Variants in NEGR1 observed in about 807,000 individuals in gnomAD.
The protein encoded by NEGR1 is IgLON family member 4.
In NEGR1, 10 loss-of-function variants were observed where a neutral mutation model predicts 40.9. The ratio of observed to expected loss-of-function variants is 0.24; its 90% CI spans 0.15 to 0.42. The LOEUF (loss-of-function observed/expected upper bound fraction) is 0.42, where lower values mean the gene tolerates loss of function less well. NEGR1 is among the 10% of genes least tolerant of loss of function. NEGR1 has a pLI of 1.00. For missense variants in NEGR1, 352 were observed against 438.9 expected, an observed-to-expected ratio of 0.80 and a Z score of 1.77; for synonymous variants, 185 against 166.8, an observed-to-expected ratio of 1.11 and a Z score of -0.84.
At chr1:71,814,710 T>C (rs781391465) in intron 2 of NEGR1, among the ~76,000 whole-genome samples, 2 of 152,174 alleles carry the variant, frequency 1.3e-5, no homozygotes, top group African/African-American at 2.4e-5. Flanking sequence ...GAAGTGTTCA[T>C]AGTATTATCT....
intron 1 of NEGR1, among the ~76,000 whole-genome samples, chr1:72,091,558 T>A (rs1648499448): frequency 6.6e-6 from 1 of 151,844 alleles, no homozygotes; most frequent in Non-Finnish European, 1.5e-5. Flanking sequence ...TACATACTTA[T>A]CCATAATAGA....
At chr1:72,080,029 A>G (rs1368363459) in intron 1 of NEGR1, among the ~76,000 whole-genome samples, 1 of 152,092 alleles carries the variant, frequency 6.6e-6, no homozygotes, top group African/African-American at 2.4e-5. Flanking sequence ...ATTTGAGTCA[A>G]TAACCCTTGA....
At chr1:72,157,409 C>G (rs1192533155) in intron 1 of NEGR1, among the ~76,000 whole-genome samples, 1 of 152,124 alleles carries the variant, frequency 6.6e-6, no homozygotes, top group Non-Finnish European at 1.5e-5. Flanking sequence ...AATGTTAATT[C>G]ATCCCTAATT....
intron 6 of NEGR1, among the ~76,000 whole-genome samples, chr1:71,499,872 A>T (rs357228): frequency 0.57 from 86,772 of 151,784 alleles, 25,244 homozygotes; most frequent in Middle Eastern, 0.66. Context: ...TAATAAATGT[A>T]ATCAATGTAT....
chr1:71,571,911 GC>G (rs1176112312), intron 6 of NEGR1, among the ~76,000 whole-genome samples: 2 of 151,774 alleles, frequency 1.3e-5, no homozygotes, highest in Non-Finnish European at 2.9e-5. Flanking sequence ...AAAGTAATAT[GC>G]CTTGCCTCCT....
intron 1 of NEGR1, among the ~76,000 whole-genome samples, chr1:72,092,710 G>A (rs893428150): frequency 6.6e-6 from 1 of 151,912 alleles, no homozygotes; most frequent in African/African-American, 2.4e-5. Context: ...GAGTGCAGTA[G>A]TATATCTTCG....
intron 2 of NEGR1, among the ~76,000 whole-genome samples, chr1:71,824,698 G>T (rs548537915): frequency 9.9e-5 from 15 of 151,984 alleles, no homozygotes; most frequent in Admixed American, 9.8e-4. Flanking sequence ...ACACATAGAA[G>T]AAGCAAGAAC....
chr1:71,968,021 C>T (rs915113208), intron 1 of NEGR1, among the ~76,000 whole-genome samples: 2 of 150,844 alleles, frequency 1.3e-5, no homozygotes, highest in African/African-American at 2.4e-5. Flanking sequence ...GCTACAACTA[C>T]GGAAGACCAG....
At chr1:71,844,960 C>A (rs1659357207) in intron 2 of NEGR1, among the ~76,000 whole-genome samples, 1 of 152,124 alleles carries the variant, frequency 6.6e-6, no homozygotes, top group African/African-American at 2.4e-5. Flanking sequence ...GATTTGCAGA[C>A]AGAAATTATT....
intron 6 of NEGR1, among the ~76,000 whole-genome samples, chr1:71,497,371 T>C (rs1449612820): frequency 6.6e-6 from 1 of 152,158 alleles, no homozygotes; most frequent in African/African-American, 2.4e-5. Flanking sequence ...AATATCAGCG[T>C]TCATTCTAAA....
In NEGR1 at chr1:71,651,592, C is replaced by G. The variant is rs888003728; in HGVS notation, c.668-40446G>C. Among the ~76,000 whole-genome samples the G allele has an allele frequency of 2.6e-5, 4 of 152,058 alleles. 1 individual carries two copies. The highest frequency in any genetic ancestry group is 7.2e-5 in the African/African-American group (3 of 41,414). On this transcript the variant is annotated intron_variant, in intron 4 of 6. Coordinates refer to ENST00000357731, the MANE Select transcript of NEGR1 (RefSeq NM_173808.3). ...AATACTTTTCATTTTATCCAGATAG[C>G]TCAACTGTCATTTCTCTCTGAATCC...
At chr1:72,005,686 A>G (rs1646600517) in intron 1 of NEGR1, among the ~76,000 whole-genome samples, 2 of 152,120 alleles carry the variant, frequency 1.3e-5, no homozygotes, top group Admixed American at 6.6e-5. Context: ...TCAAGTTTCC[A>G]TATTTCTTTT....
At chr1:71,809,601 A>G (rs1657913975) in intron 2 of NEGR1, among the ~76,000 whole-genome samples, 1 of 152,176 alleles carries the variant, frequency 6.6e-6, no homozygotes, top group Non-Finnish European at 1.5e-5. Flanking sequence ...TTTCAAAGGT[A>G]TCCATAGCAA....
At chr1:71,689,635 A>G (rs1313513644) in intron 4 of NEGR1, among the ~76,000 whole-genome samples, 2 of 152,192 alleles carry the variant, frequency 1.3e-5, no homozygotes, top group East Asian at 1.9e-4. Flanking sequence ...GGCAATCCAT[A>G]TATTTAAAAT....
chr1:71,870,088 C>T (rs993553683), intron 2 of NEGR1, among the ~76,000 whole-genome samples: 24 of 152,102 alleles, frequency 1.6e-4, no homozygotes, highest in Admixed American at 4.6e-4. Context: ...CCGTGTTGGC[C>T]AGGCTGGTCT....
chr1:71,874,925 C>T (rs1170099279), intron 2 of NEGR1, among the ~76,000 whole-genome samples: 4 of 152,008 alleles, frequency 2.6e-5, no homozygotes, highest in African/African-American at 9.7e-5. Context: ...TTCATTGCAG[C>T]TTCAAACATC....
chr1:71,720,011 A>G (rs1654449941), intron 3 of NEGR1, among the ~76,000 whole-genome samples: 1 of 152,228 alleles, frequency 6.6e-6, no homozygotes, highest in Admixed American at 6.5e-5. Flanking sequence ...CTGAAAAGGT[A>G]GTTGTCATAG....
intron 2 of NEGR1, among the ~76,000 whole-genome samples, chr1:71,866,350 C>T (rs1007002152): frequency 6.6e-6 from 1 of 152,064 alleles, no homozygotes; most frequent in African/African-American, 2.4e-5. Flanking sequence ...ACATAATGTT[C>T]CATAACATAT....
At chr1:72,105,879 C>A (rs962819990) in intron 1 of NEGR1, among the ~76,000 whole-genome samples, 1 of 151,970 alleles carries the variant, frequency 6.6e-6, no homozygotes, top group Non-Finnish European at 1.5e-5. Flanking sequence ...GAATAGAGGG[C>A]AGTGTTAAGT....
Sources: gnomAD v4.1 joint callset for allele counts (sites outside exome capture counted in the v4.1 genomes callset) on GRCh38, gnomAD v4.1.1 for gene constraint, MANE v1.5 for transcripts, NCBI Gene and HGNC (gene_info 2026-07-23, HGNC 2026-07-21) for gene names.